The following KCNN2 variants were observed in gnomAD, a reference collection of about 807,000 sequenced individuals.
KCNN2 encodes potassium calcium-activated channel subfamily N member 2.
A neutral mutation model predicts 55.5 loss-of-function variants in KCNN2; 24 were observed. The observed-to-expected ratio is 0.43, with a 90% CI of 0.31 to 0.61. The LOEUF is 0.61. KCNN2 is among the 20% of genes least tolerant of loss of function. The pLI, the probability that KCNN2 is intolerant of heterozygous loss-of-function variation, is 0.08. For missense variants in KCNN2, 754 were observed against 853.6 expected (o/e 0.88, Z 1.45); for synonymous variants, 431 against 336.1 (o/e 1.28, Z -3.09).
intron 2 of KCNN2, among the ~76,000 whole-genome samples, chr5:114,299,099 C>T (rs1756096578): frequency 1.3e-5 from 2 of 151,002 alleles, no homozygotes; most frequent in African/African-American, 2.4e-5. Context: ...CCCTCCCTCC[C>T]TCCTTTTCTT....
intron 1 of KCNN2, among the ~76,000 whole-genome samples, chr5:114,166,830 A>C (rs775374868): frequency 3.3e-5 from 5 of 152,108 alleles, no homozygotes; most frequent in African/African-American, 4.8e-5. Flanking sequence ...TGGAACCCTG[A>C]TGAATGAGAT....
intron 1 of KCNN2, among the ~76,000 whole-genome samples, chr5:114,172,156 T>G (rs1207897837): frequency 6.6e-6 from 1 of 151,904 alleles, no homozygotes; most frequent in East Asian, 1.9e-4. Context: ...CGTACAACCC[T>G]CACTTTCATC....
intron 2 of KCNN2, among the ~76,000 whole-genome samples, chr5:114,308,544 A>T (rs1347126515): frequency 1.3e-5 from 2 of 152,194 alleles, no homozygotes; most frequent in African/African-American, 4.8e-5. Context: ...TGTATCAAGC[A>T]TGTTACCACA....
intron 1 of KCNN2, among the ~76,000 whole-genome samples, chr5:114,119,331 G>C (rs79371049): frequency 1.3e-5 from 2 of 152,154 alleles, no homozygotes; most frequent in African/African-American, 4.8e-5. Context: ...ACAAAAGTCT[G>C]ATAAATTAGG....
At chr5:114,444,057 A>G (rs552810833) in intron 3 of KCNN2, among the ~76,000 whole-genome samples, 1 of 152,358 alleles carries the variant, frequency 6.6e-6, no homozygotes. Flanking sequence ...GGAAAGAGGT[A>G]GACTGGTAAG....
intron 1 of KCNN2, among the ~76,000 whole-genome samples, chr5:114,104,596 G>T (rs17136269): frequency 6.6e-6 from 1 of 152,062 alleles, no homozygotes; most frequent in Non-Finnish European, 1.5e-5. Context: ...ATATAAACTA[G>T]TTGACAAGAC....
chr5:114,357,362 A>G (rs1414423112), upstream of KCNN2, among the ~76,000 whole-genome samples: 1 of 146,108 alleles, frequency 6.8e-6, no homozygotes, highest in African/African-American at 2.5e-5. Flanking sequence ...GCTTAGTTAC[A>G]TATGTATACA....
At chr5:114,477,850 G>A (rs1338144831) in intron 5 of KCNN2, among the ~76,000 whole-genome samples, 1 of 152,138 alleles carries the variant, frequency 6.6e-6, no homozygotes, top group African/African-American at 2.4e-5. Flanking sequence ...TCCACTGTGG[G>A]TGTTGTTAAT....
At chr5:114,091,996 T>TA (rs1428855761) in intron 1 of KCNN2, among the ~76,000 whole-genome samples, 2 of 152,210 alleles carry the variant, frequency 1.3e-5, no homozygotes, top group Non-Finnish European at 1.5e-5. Flanking sequence ...TTTCACATTT[T>TA]AAAACCAATC....
chr5:114,106,169 T>A (rs1194199636), intron 1 of KCNN2, among the ~76,000 whole-genome samples: 1 of 151,932 alleles, frequency 6.6e-6, no homozygotes, highest in Non-Finnish European at 1.5e-5. Context: ...TACTTGTTAA[T>A]CTTTTTCAGC....
At chr5:114,125,149 A>G (rs1010743624) in intron 1 of KCNN2, among the ~76,000 whole-genome samples, 1 of 151,894 alleles carries the variant, frequency 6.6e-6, no homozygotes, top group Non-Finnish European at 1.5e-5. Context: ...ATAATAGAAT[A>G]TGTTAAACTT....
At chr5:114,474,910 G>T (rs899495956) in intron 5 of KCNN2, among the ~76,000 whole-genome samples, 1 of 151,698 alleles carries the variant, frequency 6.6e-6, no homozygotes, top group African/African-American at 2.4e-5. Context: ...AAAAGTGACA[G>T]AATCACAAAT....
chr5:114,115,173 G>A (rs1366480448), intron 1 of KCNN2, among the ~76,000 whole-genome samples: 2 of 152,062 alleles, frequency 1.3e-5, no homozygotes, highest in African/African-American at 4.8e-5. Context: ...TATTCCATAT[G>A]ATTGATTTTA....
intron 2 of KCNN2, among the ~76,000 whole-genome samples, chr5:114,340,342 A>T (rs575894215): frequency 1.3e-5 from 2 of 152,216 alleles, no homozygotes; most frequent in South Asian, 4.1e-4. Context: ...TATTTTCATA[A>T]TTTTTAGCCC....
intron 1 of KCNN2, among the ~76,000 whole-genome samples, chr5:114,060,523 A>G (rs952764694): frequency 6.6e-6 from 1 of 152,218 alleles, no homozygotes; most frequent in East Asian, 1.9e-4. Flanking sequence ...GGTGATCAAG[A>G]TGAGACCATC....
At chr5:114,232,123 A>T (rs974079311) in intron 2 of KCNN2, among the ~76,000 whole-genome samples, 13 of 151,006 alleles carry the variant, frequency 8.6e-5, no homozygotes. Flanking sequence ...TGGGCCTGAG[A>T]ATCTGTGACT....
rs74555161 is a variant in KCNN2 at position 114,289,927 on chromosome 5, G to T, written c.-185+68362G>T. Among the ~76,000 whole-genome samples, 397 of 152,174 alleles carry T rather than the reference G, an allele frequency of 2.6e-3. 4 individuals carry two copies. Among genetic ancestry groups the T allele is most frequent in the African/African-American group, 9.2e-3 (383 of 41,530 alleles). ...GCATTTTATTCTTTTGGGTACTATT[G>T]TAAATAGAATTATTTTTCAGACTTC... is the stretch of plus-strand genomic sequence containing the variant. On this transcript the variant is annotated intron_variant, in intron 2 of 10. Coordinates refer to the KCNN2 transcript ENST00000512097.
intron 2 of KCNN2, among the ~76,000 whole-genome samples, chr5:114,276,002 G>A (rs1447933591): frequency 2.0e-5 from 3 of 152,136 alleles, no homozygotes; most frequent in Non-Finnish European, 2.9e-5. Context: ...TGCTTTAAAT[G>A]TGTCCCAGAG....
In KCNN2 at chr5:114,147,812, G is replaced by A. The variant is rs1057261312; in HGVS notation, c.-270-73668G>A. On this transcript the variant is annotated intron_variant, in intron 1 of 10. Coordinates refer to the KCNN2 transcript ENST00000512097. ...TCAGTATGAAGTTGGACTTTTTGGG[G>A]CTTAATGGCGCGAGCTTCTAGGTGC... Among the ~76,000 whole-genome samples, 7 of 152,118 alleles carry A rather than the reference G, an allele frequency of 4.6e-5. No individual in the cohort carries two copies. In the East Asian group the frequency reaches 1.2e-3, roughly 25 times the overall value.
Sources: allele counts gnomAD v4.1 joint callset (sites outside exome capture counted in the v4.1 genomes callset), GRCh38; gene constraint gnomAD v4.1.1; transcripts MANE v1.5; gene names NCBI Gene and HGNC (gene_info 2026-07-23, HGNC 2026-07-21).